MDFIC: variants seen among roughly 807,000 people sequenced by gnomAD.
MDFIC encodes MyoD family inhibitor domain containing.
In MDFIC, 17 loss-of-function variants were observed where a neutral mutation model predicts 23.2. The observed-to-expected ratio is 0.73, with a 90% CI of 0.50 to 1.10. MDFIC has a LOEUF of 1.10. Ranked by LOEUF, MDFIC falls within the 50% of genes least tolerant of loss-of-function variation. MDFIC has a pLI of 0.00. For synonymous variants in MDFIC, 120 were observed against 115.2 expected, an observed-to-expected ratio of 1.04 and a Z score of -0.27; for missense variants, 356 against 316.6, an observed-to-expected ratio of 1.12 and a Z score of -0.95.
rs182360274 is a variant in MDFIC at position 114,931,866 on chromosome 7, G to A, written c.94+8739G>A. Among the ~76,000 whole-genome samples the A allele has an allele frequency of 2.2e-3, 334 of 152,290 alleles. 2 individuals carry two copies. The highest frequency in any genetic ancestry group is 3.4e-3 in the Middle Eastern group (1 of 294). On this transcript the variant is annotated intron_variant, in intron 2 of 4. Transcript: ENST00000393486. ...ACTAAGGTATCTTGTGGTCGAGCAG[G>A]TGACAGGCTCTCTGAAACTAGGTGG...
At chr7:114,983,672 A>G (rs1255227178) in intron 4 of MDFIC, among the ~76,000 whole-genome samples, 1 of 147,760 alleles carries the variant, frequency 6.8e-6, no homozygotes, top group Admixed American at 7.0e-5. Flanking sequence ...AATTCAAGCG[A>G]TTCGCCTGCC....
At chr7:115,013,726 AT>A (rs1478483465) in intron 4 of MDFIC, among the ~76,000 whole-genome samples, 22 of 152,356 alleles carry the variant, frequency 1.4e-4, no homozygotes, top group African/African-American at 4.8e-4. Context: ...CGATAATGTA[AT>A]TCTGGAAAAA....
At chr7:114,940,580 A>G (rs1024699451) in intron 2 of MDFIC, among the ~76,000 whole-genome samples, 2 of 152,300 alleles carry the variant, frequency 1.3e-5, no homozygotes, top group Admixed American at 6.5e-5. Context: ...GAGCTCATTA[A>G]TTTGAATGGC....
chr7:114,953,925 C>T (rs542137128), intron 3 of MDFIC, among the ~76,000 whole-genome samples: 1 of 152,264 alleles, frequency 6.6e-6, no homozygotes, highest in Admixed American at 6.5e-5. Context: ...GTTACAACCA[C>T]CTTTCTCCCC....
chr7:114,962,523 C>T (rs947821333), intron 3 of MDFIC, among the ~76,000 whole-genome samples: 2 of 152,146 alleles, frequency 1.3e-5, no homozygotes, highest in African/African-American at 4.8e-5. Flanking sequence ...ATCATTCTAA[C>T]CGTCCATGTT....
chr7:114,964,492 TCCCC>T (rs1793055665), intron 3 of MDFIC, among the ~76,000 whole-genome samples: 2 of 144,834 alleles, frequency 1.4e-5, no homozygotes, highest in African/African-American at 2.6e-5. Context: ...TCCCCTCCCC[TCCCC>T]TTCCCTTCCC....
At chr7:114,977,566 TA>T in intron 3 of MDFIC, among the ~76,000 whole-genome samples, 1 of 152,174 alleles carries the variant, frequency 6.6e-6, no homozygotes, top group African/African-American at 2.4e-5. Flanking sequence ...TGGCAGAACT[TA>T]GGTCACATCC....
intron 4 of MDFIC, among the ~76,000 whole-genome samples, chr7:114,991,592 T>G (rs894486166): frequency 1.3e-5 from 2 of 152,204 alleles, no homozygotes. Flanking sequence ...CCCAGCACCA[T>G]GTATTAAATA....
At chr7:114,925,779 A>AT (rs1261976218) in intron 2 of MDFIC, among the ~76,000 whole-genome samples, 6 of 152,152 alleles carry the variant, frequency 3.9e-5, no homozygotes, top group Non-Finnish European at 8.8e-5. Context: ...TCATCTCTCC[A>AT]TTTTTAAGAG....
intron 4 of MDFIC, among the ~76,000 whole-genome samples, chr7:115,002,621 C>G (rs548031126): frequency 6.6e-6 from 1 of 152,336 alleles, no homozygotes; most frequent in East Asian, 1.9e-4. Context: ...CTCCCTCCCC[C>G]TCAGGGGAAG....
At chr7:114,922,773 G>A in intron 1 of MDFIC, 137 bp downstream of exon 1, 1 of 1,203,820 alleles carries the variant, frequency 8.3e-7, no homozygotes, top group Non-Finnish European at 1.1e-6. Flanking sequence ...CTGTCAACTT[G>A]CGCTGTAACA....
intron 4 of MDFIC, among the ~76,000 whole-genome samples, chr7:114,984,142 A>C (rs1793468321): frequency 6.6e-6 from 1 of 152,182 alleles, no homozygotes; most frequent in Non-Finnish European, 1.5e-5. Flanking sequence ...CAGACATTTC[A>C]ACATGATATA....
chr7:115,016,039 G>T lies in MDFIC; in HGVS notation c.*104G>T. ...ATTCTCATGAAACAACATGGAATTT[G>T]CACTGTTAACTCATTATTGTAAGTA... On this transcript the variant is annotated 3_prime_UTR_variant, in exon 5 of 5. Coordinates refer to ENST00000393486, the MANE Select transcript of MDFIC (RefSeq NM_001166345.3). 11 of 1,197,624 alleles carry T rather than the reference G, an allele frequency of 9.2e-6. No homozygotes were observed. Among genetic ancestry groups the T allele is most frequent in the East Asian group, 2.4e-5 (1 of 42,474 alleles). The allele number at this position is 1,197,624 out of a possible 1,614,324, so 74.2% of individuals were successfully genotyped here. A position where few individuals can be genotyped will look rare whatever the true frequency, so the allele number is the denominator to read the frequency against.
chr7:114,923,004 C>G lies in MDFIC; in HGVS notation c.-30C>G. ...TGCCGGGCGGCGAGCTAGGCGGCAGCGGCGCGGCGCGGGCTCGGCGGAGCG... is the reference window on the plus strand; with the variant it reads ...TGCCGGGCGGCGAGCTAGGCGGCAGGGGCGCGGCGCGGGCTCGGCGGAGCG... On this transcript the variant is annotated 5_prime_UTR_variant, in exon 2 of 5. Coordinates refer to ENST00000393486, the MANE Select transcript of MDFIC (RefSeq NM_001166345.3). 1 of 1,481,026 alleles carries G rather than the reference C, an allele frequency of 6.8e-7. No individual in the cohort carries two copies. The highest frequency in any genetic ancestry group is 1.5e-5 in the African/African-American group (1 of 68,232). The allele number at this position is 1,481,026 out of a possible 1,614,324, so 91.7% of individuals were successfully genotyped here.
chr7:114,974,439 C>T (rs546818511), intron 3 of MDFIC, among the ~76,000 whole-genome samples: 1 of 152,212 alleles, frequency 6.6e-6, no homozygotes. Flanking sequence ...CATTTTCCCC[C>T]TCCATATTCT....
intron 2 of MDFIC, among the ~76,000 whole-genome samples, chr7:114,929,364 C>T (rs1792264458): frequency 6.6e-6 from 1 of 152,158 alleles, no homozygotes; most frequent in Admixed American, 6.5e-5. Context: ...CTTAGCCTCC[C>T]AAAGTTCTGG....
rs1195449193 is a variant in MDFIC at position 115,016,872 on chromosome 7, A to G, written c.*937A>G. On this transcript the variant is annotated 3_prime_UTR_variant, in exon 5 of 5. Coordinates refer to ENST00000393486, the MANE Select transcript of MDFIC (RefSeq NM_001166345.3). ...TTCCACTCCTGTCCACAGGAACATG[A>G]GATTTAGCAGACTAAGGAGATCTGT... The G allele has an allele frequency of 2.0e-5, 3 of 152,166 alleles. No homozygotes were observed. The highest frequency in any genetic ancestry group is 7.2e-5 in the African/African-American group (3 of 41,440). The allele number at this position is 152,166 out of a possible 1,614,324, so 9.4% of individuals were successfully genotyped here.
intron 4 of MDFIC, among the ~76,000 whole-genome samples, chr7:114,995,965 C>A (rs1791318918): frequency 6.6e-6 from 1 of 152,186 alleles, no homozygotes; most frequent in Non-Finnish European, 1.5e-5. Context: ...AACCACCCAG[C>A]ATTGTGTTAT....
At chr7:114,935,637 G>T (rs1792410518) in intron 2 of MDFIC, among the ~76,000 whole-genome samples, 1 of 151,938 alleles carries the variant, frequency 6.6e-6, no homozygotes, top group Non-Finnish European at 1.5e-5. Context: ...CAGAATAATG[G>T]TAAATATAAG....
Sources: allele counts gnomAD v4.1 joint callset (sites outside exome capture counted in the v4.1 genomes callset), GRCh38; gene constraint gnomAD v4.1.1; transcripts MANE v1.5; gene names NCBI Gene and HGNC (gene_info 2026-07-23, HGNC 2026-07-21).